Variants in SH2D3C observed in about 807,000 individuals in gnomAD.
SH2D3C encodes SH2 domain-containing protein 3C.
Under a neutral mutation model 75.2 loss-of-function variants are expected in SH2D3C, and 25 were observed. The observed-to-expected ratio is 0.33, with a 90% CI of 0.24 to 0.46. The LOEUF (loss-of-function observed/expected upper bound fraction) is 0.46. Among genes scored for constraint, SH2D3C ranks in the 20% least tolerant of loss-of-function variants. SH2D3C has a pLI of 1.00. For missense variants in SH2D3C, 933 were observed against 1,165.3 expected (o/e 0.80, Z 2.90); for synonymous variants, 450 against 473.7 (o/e 0.95, Z 0.65).
In SH2D3C at chr9:127,742,904, T is replaced by C. The variant is rs781631366; in HGVS notation, c.1861A>G (p.Met621Val). ...MQTLMGVRWG[M>V]ELLTLPHGRQ... ...CCATGGGGGAGGGTGAGCAGTTCCA[T>C]GCCCCAGCGGACTCCCATTAGGGTC... Residue 621 changes from methionine (M) to valine (V), a missense_variant, in exon 8 of 12, where the codon ATG becomes GTG. Coordinates refer to ENST00000314830, the MANE Select transcript of SH2D3C (RefSeq NM_170600.3). 1.9e-5 allele frequency: 31 copies of C among 1,613,884 alleles called. No homozygotes were observed. Among genetic ancestry groups the C allele is most frequent in the Non-Finnish European group, 2.5e-5 (29 of 1,179,946 alleles).
chr9:127,761,946 C>A (rs947960038), intron 2 of SH2D3C, among the ~76,000 whole-genome samples: 6 of 152,198 alleles, frequency 3.9e-5, no homozygotes, highest in Admixed American at 2.0e-4. Flanking sequence ...ACATTACATG[C>A]TTATTATGGA....
At chr9:127,753,015 C>T (rs187440062) in intron 3 of SH2D3C, among the ~76,000 whole-genome samples, 33 of 151,754 alleles carry the variant, frequency 2.2e-4, no homozygotes, top group African/African-American at 7.3e-4. Context: ...GGGGAGAGAG[C>T]GGCAAAGTCA....
At chr9:127,759,997 A>AAT (rs1554799034) in intron 3 of SH2D3C, among the ~76,000 whole-genome samples, 114 of 147,784 alleles carry the variant, frequency 7.7e-4, no homozygotes, top group African/African-American at 2.8e-3. Context: ...AAAAAAAAAA[A>AAT]TTTTTTTTTT....
Position 127,747,493 on chromosome 9 carries a change from G to A in SH2D3C, c.1140-222C>T, listed in dbSNP as rs554558461. Among the ~76,000 whole-genome samples, 14 of 152,130 alleles carry A rather than the reference G, an allele frequency of 9.2e-5. No individual in the cohort carries two copies. In the East Asian group the frequency reaches 1.2e-3, roughly 13 times the overall value. On this transcript the variant is annotated intron_variant, in intron 5 of 11. Transcript: ENST00000314830. ...AGCTAGGAACCCTGGTGGCTAGAACGCCTGGTTTCTTTTTTTCTTTTTTTG... is the reference window on the plus strand; with the variant it reads ...AGCTAGGAACCCTGGTGGCTAGAACACCTGGTTTCTTTTTTTCTTTTTTTG...
chr9:127,763,985 C>T (rs943875268), intron 2 of SH2D3C, among the ~76,000 whole-genome samples: 7 of 152,164 alleles, frequency 4.6e-5, no homozygotes, highest in East Asian at 1.9e-4. Context: ...CAGCCACCTC[C>T]GCCCACTCTT....
chr9:127,738,875 G>A lies in SH2D3C; in HGVS notation c.2454C>T (p.Phe818=). The A allele has an allele frequency of 1.3e-6, 2 of 1,598,620 alleles. No individual in the cohort carries two copies. The highest frequency in any genetic ancestry group is 1.7e-6 in the Non-Finnish European group (2 of 1,172,670). ...PELLEVFSTE[F]QMRLLWGSQG... is the part of the protein sequence containing the mutation. Reference sequence around the variant, plus strand: ...GACTGCCCCAGAGAAGGCGCATCTGGAACTCCGTGCTGAACACCTCCAGGA... The same window carrying A: ...GACTGCCCCAGAGAAGGCGCATCTGAAACTCCGTGCTGAACACCTCCAGGA... The change falls in exon 12 of 12, where the codon TTC becomes TTT. Residue 818 remains phenylalanine (F), a synonymous_variant. Transcript: ENST00000314830. The surrounding 1 kb of genome is among the most constrained non-coding windows in gnomAD (Gnocchi z 5.0).
At chr9:127,769,364 TG>T in intron 2 of SH2D3C, among the ~76,000 whole-genome samples, 1 of 152,290 alleles carries the variant, frequency 6.6e-6, no homozygotes, top group Middle Eastern at 3.4e-3. Flanking sequence ...AAAAGCTGGC[TG>T]GGTGCGGTGG....
intron 3 of SH2D3C, among the ~76,000 whole-genome samples, chr9:127,758,997 C>T (rs965671921): frequency 1.3e-5 from 2 of 152,202 alleles, no homozygotes; most frequent in Non-Finnish European, 2.9e-5. Context: ...TAGGCCAGCC[C>T]GCCCTGTTCC....
At chr9:127,757,331 C>A (rs1032215269) in intron 3 of SH2D3C, among the ~76,000 whole-genome samples, 2 of 147,890 alleles carry the variant, frequency 1.4e-5, no homozygotes, top group Non-Finnish European at 3.0e-5. Context: ...AGTGCAGTGG[C>A]ATAATCACAG....
At chr9:127,753,951 T>C (rs901750555) in intron 3 of SH2D3C, among the ~76,000 whole-genome samples, 1 of 152,162 alleles carries the variant, frequency 6.6e-6, no homozygotes, top group African/African-American at 2.4e-5. Flanking sequence ...CCTCATCCGT[T>C]AAAGGGGCTG....
chr9:127,753,499 G>A (rs1845262296), intron 3 of SH2D3C, among the ~76,000 whole-genome samples: 1 of 152,156 alleles, frequency 6.6e-6, no homozygotes, highest in African/African-American at 2.4e-5. Flanking sequence ...GAGAAAGGCG[G>A]GGCCTGGGAG....
rs1033651980 is a variant in SH2D3C at position 127,738,526 on chromosome 9, C to T, written c.*220G>A. ...GAGCAGCAAAAGCTGGTGGGGGAACCGGCGTTCCTGTTCTTCCTCAATGGA... is the reference window on the plus strand; with the variant it reads ...GAGCAGCAAAAGCTGGTGGGGGAACTGGCGTTCCTGTTCTTCCTCAATGGA... On this transcript the variant is annotated 3_prime_UTR_variant, in exon 12 of 12. Transcript: ENST00000314830. This position sits in a 1 kb window ranked among gnomAD's most constrained non-coding sequence, Gnocchi z 5.0. 2.2e-5 allele frequency: 9 copies of T among 403,762 alleles called. No individual in the cohort carries two copies. The highest frequency in any genetic ancestry group is 4.5e-5 in the Admixed American group (1 of 22,320). The allele number at this position is 403,762 out of a possible 1,614,324, so 25.0% of individuals were successfully genotyped here.
chr9:127,747,161 G>A lies in SH2D3C; in HGVS notation c.1250C>T (p.Pro417Leu). 1 of 1,613,954 alleles carries A rather than the reference G, an allele frequency of 6.2e-7. No homozygotes were observed. The highest frequency in any genetic ancestry group is 8.5e-7 in the Non-Finnish European group (1 of 1,179,978). ...GCTGGCCATACCAGTGCTGTAGGCA[G>A]GGGAGCTAGGGCTCTCGGAGATGGG... is the stretch of plus-strand genomic sequence containing the variant. ...MSPISESPSS[P>L]AYSTVTRVHA... Residue 417 changes from proline (P) to leucine (L), a missense_variant, in exon 6 of 12, where the codon CCT (proline) becomes CTT (leucine). Coordinates refer to ENST00000314830, the MANE Select transcript of SH2D3C (RefSeq NM_170600.3).
Position 127,738,786 on chromosome 9 carries a change from G to T in SH2D3C, c.2543C>A (p.Ser848Tyr), listed in dbSNP as rs1011506993. 1 of 1,609,468 alleles carries T rather than the reference G, an allele frequency of 6.2e-7. No individual in the cohort carries two copies. The highest frequency in any genetic ancestry group is 8.5e-7 in the Non-Finnish European group (1 of 1,178,130). The change falls in exon 12 of 12, where the codon TCC (serine) becomes TAC (tyrosine). Residue 848 changes from serine (S) to tyrosine (Y), a missense_variant. Physicochemically the swap from Ser to Tyr is moderately radical, Grantham distance 144 (BLOSUM62 -2). Transcript: ENST00000314830. The surrounding 1 kb of genome is among the most constrained non-coding windows in gnomAD (Gnocchi z 5.0). ...GCGGACAGCAGGTTCCAGCTTGTGG[G>T]ACAGGGCAGTGAGGACCTTGTCGAA... The part of the protein sequence containing the change: ...EKFDKVLTAL[S>Y]HKLEPAVRSS...
intron 3 of SH2D3C, chr9:127,755,013 G>T: frequency 1.3e-6 from 1 of 768,034 alleles, no homozygotes; most frequent in Non-Finnish European, 1.7e-6. Context: ...TGGCTCTAGG[G>T]CCCCGGGCGG....
At position 127,751,441 on chromosome 9, in the gene SH2D3C, T is replaced by C. The variant is rs1435163974; in HGVS notation, c.556-141A>G. 2.6e-6 allele frequency: 2 copies of C among 781,642 alleles called. No homozygotes were observed. Among genetic ancestry groups the C allele is most frequent in the East Asian group, 2.4e-5 (1 of 40,890 alleles). The allele number at this position is 781,642 out of a possible 1,614,324, so 48.4% of individuals were successfully genotyped here. A position where few individuals can be genotyped will look rare whatever the true frequency, so the allele number is the denominator to read the frequency against. The stretch of plus-strand genomic sequence containing the variant: ...GGCACAGGTGCCAGACCCTTTCCCA[T>C]GGGTCCCAGAAAGAGTAAAGAAATC... On this transcript the variant is annotated intron_variant, in intron 3 of 11. Coordinates refer to ENST00000314830, the MANE Select transcript of SH2D3C (RefSeq NM_170600.3). The surrounding 1 kb of genome is among the most constrained non-coding windows in gnomAD (Gnocchi z 4.1).
chr9:127,762,028 C>T (rs893528093), intron 2 of SH2D3C: 4 of 309,534 alleles, frequency 1.3e-5, no homozygotes, highest in African/African-American at 8.9e-5. Context: ...CTTCTTCTGT[C>T]TGCCTTCCCT....
At chr9:127,772,330 G>A (rs147610978) in intron 2 of SH2D3C, among the ~76,000 whole-genome samples, 219 of 143,996 alleles carry the variant, frequency 1.5e-3, no homozygotes, top group African/African-American at 4.9e-3. Context: ...TGCAACCTCT[G>A]CCTCCCAGGT....
At chr9:127,742,074 A>G in intron 8 of SH2D3C, 115 bp from the exon 9 acceptor site, 1 of 996,662 alleles carries the variant, frequency 1.0e-6, no homozygotes, top group Non-Finnish European at 1.4e-6. Flanking sequence ...CCAACGTGAG[A>G]GGTTGTAAGG....
Sources: gnomAD v4.1 joint callset for allele counts (sites outside exome capture counted in the v4.1 genomes callset) on GRCh38, gnomAD v4.1.1 for gene constraint, Gnocchi (gnomAD v3.1) non-coding constraint, MANE v1.5 for transcripts, NCBI Gene and HGNC (gene_info 2026-07-23, HGNC 2026-07-21) for gene names.